The following TRIO variants were observed in gnomAD, a reference collection of about 807,000 sequenced individuals.
The protein encoded by TRIO is triple functional domain protein.
A neutral mutation model predicts 351.9 loss-of-function variants in TRIO; 58 were observed. The ratio of observed to expected loss-of-function variants is 0.16; its 90% CI spans 0.13 to 0.21. TRIO has a LOEUF of 0.21. Ranked by LOEUF, TRIO falls within the 10% of genes least tolerant of loss-of-function variation. The pLI is 1.00. For synonymous variants in TRIO, 1,758 were observed against 1,595.7 expected, an observed-to-expected ratio of 1.10 and a Z score of -2.42; for missense variants, 3,201 against 4,027.8, an observed-to-expected ratio of 0.79 and a Z score of 5.56.
intron 31 of TRIO, among the ~76,000 whole-genome samples, chr5:14,403,465 G>A (rs1748352673): frequency 8.7e-6 from 1 of 114,700 alleles, no homozygotes; most frequent in Non-Finnish European, 1.8e-5. Context: ...TGGTGAGGGT[G>A]CAGGTTGTGG....
At chr5:14,430,832 C>G (rs1161024294) in intron 34 of TRIO, among the ~76,000 whole-genome samples, 1 of 152,108 alleles carries the variant, frequency 6.6e-6, no homozygotes, top group Non-Finnish European at 1.5e-5. Flanking sequence ...TCTCCTGCCT[C>G]AGCCTCCCGA....
rs16903353 is a variant in TRIO at position 14,277,708 on chromosome 5, C to G, written c.233-2614C>G. Among the ~76,000 whole-genome samples, 1,462 of 152,328 alleles carry G rather than the reference C, an allele frequency of 9.6e-3. 28 individuals carry two copies. The highest frequency in any genetic ancestry group is 0.033 in the African/African-American group (1,390 of 41,572). On this transcript the variant is annotated intron_variant, in intron 2 of 56. Coordinates refer to ENST00000344204, the MANE Select transcript of TRIO (RefSeq NM_007118.4). ...CTCAGATGCTATTTTCATTTGGGTACTTCCTGTGATGTTGGAAACCAACCT... is the reference window on the plus strand; with the variant it reads ...CTCAGATGCTATTTTCATTTGGGTAGTTCCTGTGATGTTGGAAACCAACCT...
In TRIO at chr5:14,432,015, G is replaced by T. The variant is rs188033793; in HGVS notation, c.5203+11994G>T. Among the ~76,000 whole-genome samples, 13 of 152,284 alleles carry T rather than the reference G, an allele frequency of 8.5e-5. No homozygotes were observed. In the East Asian group the frequency reaches 1.2e-3, roughly 14 times the overall value. Reference sequence around the variant, plus strand: ...TACAGTCACATTCTGAGATACTGGGGATTTGAACTTCAACATGGATTTTAG... The same window carrying T: ...TACAGTCACATTCTGAGATACTGGGTATTTGAACTTCAACATGGATTTTAG... On this transcript the variant is annotated intron_variant, in intron 34 of 56. Coordinates refer to ENST00000344204, the MANE Select transcript of TRIO (RefSeq NM_007118.4).
chr5:14,212,531 A>G (rs1033622960), intron 1 of TRIO, among the ~76,000 whole-genome samples: 2 of 152,180 alleles, frequency 1.3e-5, no homozygotes, highest in African/African-American at 4.8e-5. Context: ...TAAATTTCAG[A>G]CACCTAAAAT....
intron 21 of TRIO, among the ~76,000 whole-genome samples, chr5:14,387,186 G>A (rs570554082): frequency 5.3e-5 from 8 of 152,176 alleles, no homozygotes; most frequent in Non-Finnish European, 1.2e-4. Context: ...AGATGAAGAC[G>A]TTGCTGAAAA....
At chr5:14,331,082 A>G (rs1464965124) in intron 10 of TRIO, among the ~76,000 whole-genome samples, 182 bp downstream of exon 10, 1 of 152,244 alleles carries the variant, frequency 6.6e-6, no homozygotes, top group Non-Finnish European at 1.5e-5. Flanking sequence ...TGATTTGGTA[A>G]GTTGACGCTT....
At chr5:14,370,406 C>T (rs1024870545) in intron 18 of TRIO, among the ~76,000 whole-genome samples, 1 of 151,970 alleles carries the variant, frequency 6.6e-6, no homozygotes, top group Non-Finnish European at 1.5e-5. Flanking sequence ...ATTCTTGGGC[C>T]CTTACAGAAT....
intron 1 of TRIO, among the ~76,000 whole-genome samples, chr5:14,240,161 A>G (rs1017490613): frequency 2.6e-5 from 4 of 152,234 alleles, no homozygotes; most frequent in African/African-American, 9.6e-5. Context: ...GGACTCATAC[A>G]GGTTTGTGGA....
At chr5:14,414,589 C>A (rs894751661) in intron 33 of TRIO, among the ~76,000 whole-genome samples, 1 of 152,010 alleles carries the variant, frequency 6.6e-6, no homozygotes, top group Admixed American at 6.5e-5. Context: ...GTTTTGAAAA[C>A]GTTTTTTCTC....
At chr5:14,349,313 GTA>G (rs1452905368) in intron 11 of TRIO, among the ~76,000 whole-genome samples, 3 of 151,638 alleles carry the variant, frequency 2.0e-5, no homozygotes, top group South Asian at 2.1e-4. Context: ...TTTCCTGTGT[GTA>G]TATGTGTGTG....
In TRIO at chr5:14,286,154, C is replaced by CGT. The variant is rs1736428034; in HGVS notation, c.348-712_348-711dup. 1.3e-5 allele frequency among the ~76,000 whole-genome samples: 2 copies of CGT among 151,752 alleles called. No homozygotes were observed. On this transcript the variant is annotated intron_variant, in intron 3 of 56. Coordinates refer to ENST00000344204, the MANE Select transcript of TRIO (RefSeq NM_007118.4). The surrounding 1 kb of genome is among the most constrained non-coding windows in gnomAD (Gnocchi z 4.4). ...ATAGTGACTCCCAGCACTGCCTTGACGTGTGTCAGAGGCCAGCAGTGTTAA... is the reference window on the plus strand; with the variant it reads ...ATAGTGACTCCCAGCACTGCCTTGACGTGTGTGTCAGAGGCCAGCAGTGTTAA...
chr5:14,418,965 C>A (rs1277476265), intron 33 of TRIO: 1 of 152,366 alleles, frequency 6.6e-6, no homozygotes, highest in African/African-American at 2.4e-5. Context: ...CGGCAGAGGC[C>A]ATGGGGTGTG....
intron 1 of TRIO, among the ~76,000 whole-genome samples, chr5:14,221,523 A>T (rs1792617090): frequency 6.6e-6 from 1 of 152,248 alleles, no homozygotes; most frequent in Non-Finnish European, 1.5e-5. Context: ...TTTGTGATTC[A>T]TGGGAGGAGG....
At chr5:14,335,571 A>G (rs1741324364) in intron 10 of TRIO, among the ~76,000 whole-genome samples, 1 of 152,154 alleles carries the variant, frequency 6.6e-6, no homozygotes, top group South Asian at 2.1e-4. Flanking sequence ...GATTATTAGG[A>G]ATTAAGGTGA....
intron 1 of TRIO, among the ~76,000 whole-genome samples, chr5:14,158,166 C>T (rs1235729422): frequency 6.6e-6 from 1 of 152,162 alleles, no homozygotes; most frequent in Non-Finnish European, 1.5e-5. Flanking sequence ...GTGGCTCACA[C>T]CTGTAATCCC....
chr5:14,433,557 G>T (rs939537234), intron 34 of TRIO, among the ~76,000 whole-genome samples: 1 of 152,142 alleles, frequency 6.6e-6, no homozygotes, highest in Admixed American at 6.5e-5. Context: ...GGGAGGTGGC[G>T]AAAGGAAAAC....
intron 37 of TRIO, among the ~76,000 whole-genome samples, chr5:14,468,860 C>T (rs1651320): frequency 6.6e-6 from 1 of 152,180 alleles, no homozygotes; most frequent in Non-Finnish European, 1.5e-5. Flanking sequence ...ACTGAACCTA[C>T]CTAAACCTAA....
At chr5:14,365,706 G>A (rs1744536370) in intron 15 of TRIO, among the ~76,000 whole-genome samples, 1 of 152,186 alleles carries the variant, frequency 6.6e-6, no homozygotes, top group African/African-American at 2.4e-5. Flanking sequence ...AAAAATAGTG[G>A]CTTTGAAAAG....
chr5:14,453,867 T>C (rs1217056079), intron 34 of TRIO, among the ~76,000 whole-genome samples: 1 of 152,174 alleles, frequency 6.6e-6, no homozygotes, highest in African/African-American at 2.4e-5. Context: ...GTTGACTTTT[T>C]TTTCTTCCAA....
Sources: allele counts gnomAD v4.1 joint callset (sites outside exome capture counted in the v4.1 genomes callset), GRCh38; gene constraint gnomAD v4.1.1; non-coding constraint Gnocchi (gnomAD v3.1); transcripts MANE v1.5; gene names NCBI Gene and HGNC (gene_info 2026-07-23, HGNC 2026-07-21).